The following TSHZ2 variants were observed in gnomAD, a reference collection of about 807,000 sequenced individuals.
TSHZ2 encodes the protein teashirt zinc finger homeobox 2.
In TSHZ2, 21 loss-of-function variants were observed where a neutral mutation model predicts 74.4. The ratio of observed to expected loss-of-function variants is 0.28; its 90% CI spans 0.20 to 0.41. TSHZ2 has a LOEUF of 0.41. TSHZ2 is among the 10% of genes least tolerant of loss of function. The pLI is 1.00. For synonymous variants in TSHZ2, 540 were observed against 515.3 expected, an observed-to-expected ratio of 1.05 and a Z score of -0.65; for missense variants, 1,244 against 1,293.5, an observed-to-expected ratio of 0.96 and a Z score of 0.59.
In TSHZ2 at chr20:53,488,123, G is replaced by A. The variant is rs1210160824; in HGVS notation, c.*988G>A. The stretch of plus-strand genomic sequence containing the variant: ...GAAGCAACAGAAAGCATGAAATAGG[G>A]TGTCCATTTTAAATGTGTTCCTGCA... On this transcript the variant is annotated 3_prime_UTR_variant, in exon 3 of 3. Transcript: ENST00000371497. 6.6e-6 allele frequency: 1 copy of A among 152,158 alleles called. No individual in the cohort carries two copies. Among genetic ancestry groups the A allele is most frequent in the Non-Finnish European group, 1.5e-5 (1 of 68,040 alleles). The allele number at this position is 152,158 out of a possible 1,614,324, so 9.4% of individuals were successfully genotyped here.
At chr20:53,111,365 C>T (rs1986530577) in intron 1 of TSHZ2, among the ~76,000 whole-genome samples, 1 of 152,044 alleles carries the variant, frequency 6.6e-6, no homozygotes, top group Admixed American at 6.6e-5. Context: ...ACACTAAACT[C>T]CCAAATCTTT....
intron 1 of TSHZ2, among the ~76,000 whole-genome samples, chr20:52,981,829 G>A (rs1468751170): frequency 6.6e-6 from 1 of 152,238 alleles, no homozygotes; most frequent in East Asian, 1.9e-4. Flanking sequence ...TACATACCAC[G>A]TGCTTTATAT....
chr20:53,016,537 T>C (rs2256454), intron 1 of TSHZ2, among the ~76,000 whole-genome samples: 25,764 of 152,202 alleles, frequency 0.17, 2,507 homozygotes, highest in Admixed American at 0.22. Context: ...TTCTACCATG[T>C]GACTCACCCT....
At chr20:53,344,930 A>G (rs1980377652) in intron 2 of TSHZ2, among the ~76,000 whole-genome samples, 1 of 152,204 alleles carries the variant, frequency 6.6e-6, no homozygotes, top group Admixed American at 6.5e-5. Context: ...AAAATAAAAT[A>G]CGTGGGTAGA....
chr20:53,072,086 C>T (rs1985192293), intron 1 of TSHZ2, among the ~76,000 whole-genome samples: 1 of 152,146 alleles, frequency 6.6e-6, no homozygotes, highest in South Asian at 2.1e-4. Flanking sequence ...AAATGTCAGT[C>T]GCGCGGAGGC....
At chr20:53,397,532 T>G (rs1460246696) in intron 2 of TSHZ2, 1 of 152,244 alleles carries the variant, frequency 6.6e-6, no homozygotes, top group Non-Finnish European at 1.5e-5. Flanking sequence ...TTGGTGGGAC[T>G]GTAAACTAGT....
chr20:53,007,400 A>G (rs546240919), intron 1 of TSHZ2, among the ~76,000 whole-genome samples: 2 of 152,354 alleles, frequency 1.3e-5, no homozygotes, highest in African/African-American at 2.4e-5. Context: ...ATGACTTGCA[A>G]TATGGCAACT....
At position 53,301,167 on chromosome 20, in the gene TSHZ2, A is replaced by T. The variant is rs192035426; in HGVS notation, c.*8+44596A>T. ...GAGACAAGGTTTCACCATGTTGGCC[A>T]GGCTGGTCTTGAACTCCTGACCTCA... On this transcript the variant is annotated intron_variant, in intron 2 of 2. Coordinates refer to ENST00000371497, the MANE Select transcript of TSHZ2 (RefSeq NM_173485.6). 6.6e-3 allele frequency among the ~76,000 whole-genome samples: 998 copies of T among 152,132 alleles called. 14 individuals are homozygous for T. Among genetic ancestry groups the T allele is most frequent in the African/African-American group, 0.023 (952 of 41,506 alleles).
intron 1 of TSHZ2, among the ~76,000 whole-genome samples, chr20:53,039,523 C>G (rs1164958765): frequency 1.3e-5 from 2 of 152,018 alleles, no homozygotes; most frequent in East Asian, 1.9e-4. Flanking sequence ...CAGCAGTGAA[C>G]AAAACAAATA....
At chr20:53,106,837 A>ACC (rs1190416936) in intron 1 of TSHZ2, among the ~76,000 whole-genome samples, 1 of 151,812 alleles carries the variant, frequency 6.6e-6, no homozygotes, top group Non-Finnish European at 1.5e-5. Context: ...AGCTGGGACT[A>ACC]CAGGCATGCA....
chr20:53,254,427 C>T lies in TSHZ2; in HGVS notation c.969C>T (p.Arg323=), dbSNP rs1199753285. Residue 323 remains arginine, a synonymous_variant, in exon 2 of 3, where the codon CGC becomes CGT. Coordinates refer to ENST00000371497, the MANE Select transcript of TSHZ2 (RefSeq NM_173485.6). ...SSKMVTPAKK[R]VFDVNRPCSP... is the part of the protein sequence containing the mutation. ...AAATGGTCACCCCGGCTAAGAAACG[C>T]GTTTTTGATGTCAATCGGCCGTGTT... The T allele has an allele frequency of 9.9e-6, 16 of 1,613,116 alleles. No homozygotes were observed. The highest frequency in any genetic ancestry group is 1.6e-4 in the Middle Eastern group (1 of 6,082).
intron 1 of TSHZ2, among the ~76,000 whole-genome samples, chr20:53,142,646 T>C (rs951380291): frequency 2.6e-5 from 4 of 152,178 alleles, no homozygotes; most frequent in Non-Finnish European, 2.9e-5. Flanking sequence ...GTCTAATGCT[T>C]GCATTTCATT....
At chr20:53,013,498 C>A (rs1342106984) in intron 1 of TSHZ2, among the ~76,000 whole-genome samples, 1 of 152,220 alleles carries the variant, frequency 6.6e-6, no homozygotes, top group Non-Finnish European at 1.5e-5. Flanking sequence ...CATAGGTTAA[C>A]TTAACAAATA....
chr20:53,153,479 A>G (rs1987722578), intron 1 of TSHZ2, among the ~76,000 whole-genome samples: 2 of 152,202 alleles, frequency 1.3e-5, no homozygotes, highest in South Asian at 4.1e-4. Context: ...TGACTTGGTA[A>G]CTTAAACAAA....
chr20:53,472,583 C>T (rs146938264), intron 2 of TSHZ2, among the ~76,000 whole-genome samples: 9 of 152,242 alleles, frequency 5.9e-5, no homozygotes, highest in South Asian at 2.1e-4. Flanking sequence ...GTCACCAGCA[C>T]GCAGACGATA....
At chr20:53,433,691 G>A (rs1477364414) in intron 2 of TSHZ2, among the ~76,000 whole-genome samples, 1 of 150,888 alleles carries the variant, frequency 6.6e-6, no homozygotes, top group Non-Finnish European at 1.5e-5. Flanking sequence ...TCTGTCCCAG[G>A]GACTAATCCA....
intron 1 of TSHZ2, among the ~76,000 whole-genome samples, chr20:53,204,566 C>G (rs1321953558): frequency 6.6e-6 from 1 of 151,966 alleles, no homozygotes; most frequent in Non-Finnish European, 1.5e-5. Flanking sequence ...TGACATTCTA[C>G]TTCTATTGGG....
At chr20:53,281,674 C>T (rs1477223706) in intron 2 of TSHZ2, among the ~76,000 whole-genome samples, 1 of 152,092 alleles carries the variant, frequency 6.6e-6, no homozygotes, top group Non-Finnish European at 1.5e-5. Flanking sequence ...GGCTATTAAA[C>T]CTATTGAATC....
chr20:53,286,754 T>C (rs1302707120), intron 2 of TSHZ2, among the ~76,000 whole-genome samples: 2 of 152,108 alleles, frequency 1.3e-5, no homozygotes, highest in Admixed American at 6.5e-5. Context: ...CTTAGTCAGG[T>C]AGGGTAGTGT....
Sources: gnomAD v4.1 joint callset for allele counts (sites outside exome capture counted in the v4.1 genomes callset) on GRCh38, gnomAD v4.1.1 for gene constraint, MANE v1.5 for transcripts, NCBI Gene and HGNC (gene_info 2026-07-23, HGNC 2026-07-21) for gene names.